DIS3L: variants seen among roughly 807,000 people sequenced by gnomAD.
The protein encoded by DIS3L is DIS3-like exonuclease 1.
Under a neutral mutation model 120.3 loss-of-function variants are expected in DIS3L, and 100 were observed. The observed-to-expected ratio is 0.83, with a 90% CI of 0.71 to 0.98. DIS3L has a LOEUF of 0.98. Ranked by LOEUF, DIS3L falls within the 50% of genes least tolerant of loss-of-function variation. DIS3L has a pLI of 0.00. For synonymous variants in DIS3L, 426 were observed against 470.6 expected (o/e 0.91, Z 1.23); for missense variants, 1,196 against 1,314.2 (o/e 0.91, Z 1.39).
chr15:66,322,941 C>T lies in DIS3L; in HGVS notation c.1574+7C>T. ...ATATTGAAGCTAGAACAAGGTAATG[C>T]TATTTGAAATCAGCTCTATGGTTGT... On this transcript the variant is annotated splice_region_variant and intron_variant, in intron 10 of 16. Transcript: ENST00000319212. 1 of 1,613,736 alleles carries T rather than the reference C, an allele frequency of 6.2e-7. No homozygotes were observed. The highest frequency in any genetic ancestry group is 8.5e-7 in the Non-Finnish European group (1 of 1,179,840).
rs764280053 is a variant in DIS3L at position 66,320,670 on chromosome 15, G to C, written c.1264G>C (p.Gly422Arg). ...RVLGRIGDLE[G>R]EIATILVENS... ...TTTAGGAAGAATCGGAGATCTGGAA[G>C]GGGAAATTGCAACCATCCTGGTGGA... Residue 422 changes from glycine to arginine, a missense_variant, in exon 9 of 17, where the codon GGG becomes CGG. Physicochemically the swap from Gly to Arg is moderately radical, Grantham distance 125. Coordinates refer to ENST00000319212, the MANE Select transcript of DIS3L (RefSeq NM_001143688.3). 1.2e-6 allele frequency: 2 copies of C among 1,614,118 alleles called. No individual in the cohort carries two copies. The highest frequency in any genetic ancestry group is 1.7e-6 in the Non-Finnish European group (2 of 1,180,000).
At chr15:66,319,952 T>TAAAAAA (rs34195061) in intron 8 of DIS3L, among the ~76,000 whole-genome samples, 4 of 108,068 alleles carry the variant, frequency 3.7e-5, no homozygotes, top group Non-Finnish European at 7.3e-5. Context: ...CCATTTCTAC[T>TAAAAAA]AAAAAAAAAA....
At chr15:66,305,513 A>T (rs1391651832) in intron 2 of DIS3L, among the ~76,000 whole-genome samples, 2 of 152,006 alleles carry the variant, frequency 1.3e-5, no homozygotes, top group Non-Finnish European at 2.9e-5. Flanking sequence ...TTTAATATGA[A>T]TCCATTTTTA....
chr15:66,308,948 A>T, intron 4 of DIS3L, 104 bp downstream of exon 4: 3 of 1,371,556 alleles, frequency 2.2e-6, no homozygotes, highest in Non-Finnish European at 2.9e-6. Context: ...AGGAATAGAC[A>T]TTAAGTTCCA....
chr15:66,293,869 G>A (rs1473984366), intron 1 of DIS3L, 134 bp downstream of exon 1: 1 of 861,006 alleles, frequency 1.2e-6, no homozygotes, highest in South Asian at 6.0e-5. Context: ...GCGCCCGCTC[G>A]CCGGCCTCAC....
At chr15:66,326,636 G>A in intron 12 of DIS3L, 1 of 350,124 alleles carries the variant, frequency 2.9e-6, no homozygotes, top group Non-Finnish European at 5.3e-6. Flanking sequence ...TTGGAGTACA[G>A]TGGTATGATC....
At position 66,331,956 on chromosome 15, in the gene DIS3L, C is replaced by T. The variant is rs141291614; in HGVS notation, c.2617C>T (p.Arg873Cys). 165 of 1,613,300 alleles carry T rather than the reference C, an allele frequency of 1.0e-4. No individual in the cohort carries two copies. The African/African-American group carries it at 1.8e-3, about 18-fold the overall frequency. ...AGACAAAGACCCTGCCACCGAGGAG[C>T]GTTGCATATCTGACGGAGTTATTTA... is the stretch of plus-strand genomic sequence containing the variant. Reference protein sequence around the residue: ...FKDKDPATEERCISDGVIYSI... With the variant: ...FKDKDPATEECCISDGVIYSI... The change falls in exon 15 of 17, where the codon CGT becomes TGT. Residue 873 changes from arginine (R) to cysteine (C), a missense_variant. Arg to Cys is a radical substitution (Grantham distance 180). Coordinates refer to ENST00000319212, the MANE Select transcript of DIS3L (RefSeq NM_001143688.3).
chr15:66,305,328 A>C (rs2092693630), intron 2 of DIS3L, among the ~76,000 whole-genome samples: 1 of 151,906 alleles, frequency 6.6e-6, no homozygotes, highest in African/African-American at 2.4e-5. Context: ...GTTTTCTAAT[A>C]AAGTGTAAGA....
At chr15:66,297,553 AT>A (rs1215263146) in intron 2 of DIS3L, among the ~76,000 whole-genome samples, 14 of 152,176 alleles carry the variant, frequency 9.2e-5, no homozygotes, top group Admixed American at 9.2e-4. Flanking sequence ...CATACTTAAC[AT>A]TTTTTTGGTG....
chr15:66,329,478 G>A (rs956922329), intron 14 of DIS3L, 79 bp downstream of exon 14: 4 of 1,450,896 alleles, frequency 2.8e-6, no homozygotes, highest in Non-Finnish European at 3.7e-6. Flanking sequence ...GTACCGTGAA[G>A]TATCATATAT....
At position 66,320,797 on chromosome 15, in the gene DIS3L, A is replaced by G. The variant is rs142737570; in HGVS notation, c.1326+65A>G. ...TTTTTGCTTTTGTTGTTGTTTCATC[A>G]TTAAGAAAGAAAAGTCTTTGTGCTG... On this transcript the variant is annotated intron_variant, in intron 9 of 16. Coordinates refer to ENST00000319212, the MANE Select transcript of DIS3L (RefSeq NM_001143688.3). The G allele has an allele frequency of 5.6e-5, 87 of 1,556,660 alleles. No homozygotes were observed. The East Asian group carries it at 1.9e-3, about 34-fold the overall frequency.
At chr15:66,327,700 C>T (rs2140408313) in intron 12 of DIS3L, among the ~76,000 whole-genome samples, 1 of 152,082 alleles carries the variant, frequency 6.6e-6, no homozygotes, top group Middle Eastern at 3.4e-3. Flanking sequence ...CCCAAAATCG[C>T]ACCACTGCAC....
At chr15:66,294,340 G>A in intron 1 of DIS3L, 1 of 985,552 alleles carries the variant, frequency 1.0e-6, no homozygotes, top group South Asian at 4.7e-5. Context: ...CACAAGGGTG[G>A]CCGATAGAAC....
chr15:66,293,440 G>C, upstream of DIS3L: 1 of 1,191,476 alleles, frequency 8.4e-7, no homozygotes, highest in Non-Finnish European at 1.0e-6. Flanking sequence ...CGGGAGGGCC[G>C]GGCCCCAGCC....
In DIS3L at chr15:66,330,291, C is replaced by T. The variant is rs571651122; in HGVS notation, c.2535+892C>T. 105 of 984,406 alleles carry T rather than the reference C, an allele frequency of 1.1e-4. 2 individuals are homozygous for T. Among genetic ancestry groups the T allele is most frequent in the African/African-American group, 1.2e-4 (7 of 57,204 alleles). The allele number at this position is 984,406 out of a possible 1,614,324, so 61.0% of individuals were successfully genotyped here. A position where few individuals can be genotyped will look rare whatever the true frequency, so the allele number is the denominator to read the frequency against. On this transcript the variant is annotated intron_variant, in intron 14 of 16. Coordinates refer to ENST00000319212, the MANE Select transcript of DIS3L (RefSeq NM_001143688.3). ...TGGCCTGGGTGACAGAGCGAAACTCCGTCTAAAAAAAAAAAATCACACCGT... is the reference window on the plus strand; with the variant it reads ...TGGCCTGGGTGACAGAGCGAAACTCTGTCTAAAAAAAAAAAATCACACCGT...
At position 66,318,515 on chromosome 15, in the gene DIS3L, A is replaced by T. The variant is rs1473754790; in HGVS notation, c.1061A>T (p.Glu354Val). ...DYVVTFPSKE[E>V]VQSQGKNAQK... is the part of the protein sequence containing the mutation. Reference sequence around the variant, plus strand: ...GTGGTGACATTTCCGTCCAAAGAAGAGGTCCAATCTCAGGGCAAAAATGCT... The same window carrying T: ...GTGGTGACATTTCCGTCCAAAGAAGTGGTCCAATCTCAGGGCAAAAATGCT... The change falls in exon 8 of 17, where the codon GAG becomes GTG. Residue 354 changes from glutamate to valine, a missense_variant. Glu to Val is a moderately radical substitution (Grantham distance 121). Coordinates refer to ENST00000319212, the MANE Select transcript of DIS3L (RefSeq NM_001143688.3). The T allele has an allele frequency of 6.2e-7, 1 of 1,613,948 alleles. No individual in the cohort carries two copies. Among genetic ancestry groups the T allele is most frequent in the Non-Finnish European group, 8.5e-7 (1 of 1,180,026 alleles).
At chr15:66,315,690 G>T (rs2092810307) in intron 7 of DIS3L, among the ~76,000 whole-genome samples, 2 of 152,096 alleles carry the variant, frequency 1.3e-5, no homozygotes, top group Admixed American at 1.3e-4. Flanking sequence ...TCCTCCCTGA[G>T]TCCCATGTCC....
At chr15:66,303,706 G>T (rs368424771) in intron 2 of DIS3L, among the ~76,000 whole-genome samples, 25 of 152,176 alleles carry the variant, frequency 1.6e-4, no homozygotes, top group African/African-American at 5.3e-4. Context: ...TCCAAAAATT[G>T]TTCCTATTAC....
At chr15:66,311,651 G>A (rs370094024) in intron 4 of DIS3L, 73 bp from the exon 5 acceptor site, 25 of 1,567,406 alleles carry the variant, frequency 1.6e-5, no homozygotes, top group Admixed American at 5.1e-5. Flanking sequence ...CTAGTCAGGA[G>A]TTTCTGTCAT....
Sources: allele counts gnomAD v4.1 joint callset (sites outside exome capture counted in the v4.1 genomes callset), GRCh38; gene constraint gnomAD v4.1.1; transcripts MANE v1.5; gene names NCBI Gene and HGNC (gene_info 2026-07-23, HGNC 2026-07-21).